Variants in CYP20A1 observed in about 807,000 individuals in gnomAD.
CYP20A1 encodes the protein cytochrome P450 20A1.
A neutral mutation model predicts 61.4 loss-of-function variants in CYP20A1; 61 were observed. That is an observed-to-expected ratio of 0.99 (90% CI 0.81 to 1.23). The LOEUF is 1.23. CYP20A1 is among the 50% of genes most tolerant of loss of function. CYP20A1 has a pLI of 0.00. For synonymous variants in CYP20A1, 193 were observed against 188.2 expected (o/e 1.03, Z -0.21); for missense variants, 530 against 542.4 (o/e 0.98, Z 0.23).
At chr2:203,244,467 G>A (rs949564494) in intron 1 of CYP20A1, among the ~76,000 whole-genome samples, 2 of 151,978 alleles carry the variant, frequency 1.3e-5, no homozygotes, top group Admixed American at 6.6e-5. Context: ...CAAAAGTGCT[G>A]GGATTACAGG....
At position 203,301,792 on chromosome 2, in the gene CYP20A1, GTCTT is replaced by G. The variant is rs1559113333; in HGVS notation, c.*4886_*4889del. ...TATCTTAAAATAGTTTGTATAAAAA[GTCTT>G]TACTGCTTTATTATGAAATAATAAT... is the stretch of plus-strand genomic sequence containing the variant. On this transcript the variant is annotated 3_prime_UTR_variant, in exon 13 of 13. Coordinates refer to ENST00000356079, the MANE Select transcript of CYP20A1 (RefSeq NM_177538.3). 6.6e-6 allele frequency among the ~76,000 whole-genome samples: 1 copy of G among 151,518 alleles called. No homozygotes were observed. The highest frequency in any genetic ancestry group is 1.9e-4 in the East Asian group (1 of 5,178).
chr2:203,239,075 G>A lies in CYP20A1; in HGVS notation c.13G>A (p.Ala5Thr), dbSNP rs953593712. ...GGGCGGCAGAACCATGTTGGACTTC[G>A]CGATCTTCGCCGTTACCTTCTTGCT... MLDF[A>T]IFAVTFLLAL... Residue 5 changes from alanine to threonine, a missense_variant, in exon 1 of 13, where the codon GCG becomes ACG. Transcript: ENST00000356079. 2 of 1,613,608 alleles carry A rather than the reference G, an allele frequency of 1.2e-6. No homozygotes were observed. The highest frequency in any genetic ancestry group is 1.7e-5 in the Admixed American group (1 of 60,008).
At chr2:203,257,874 G>T (rs1165338255) in intron 4 of CYP20A1, among the ~76,000 whole-genome samples, 3 of 52,920 alleles carry the variant, frequency 5.7e-5, no homozygotes, top group African/African-American at 1.2e-4. Flanking sequence ...CATACAATGT[G>T]TAATAATCAC....
chr2:203,263,191 G>A (rs1209378582), intron 4 of CYP20A1, among the ~76,000 whole-genome samples: 2 of 150,460 alleles, frequency 1.3e-5, no homozygotes, highest in African/African-American at 4.9e-5. Context: ...ATTTCACCAC[G>A]TTGGCCAGGC....
At chr2:203,295,200 C>T (rs7562452) in intron 11 of CYP20A1, among the ~76,000 whole-genome samples, 1 of 150,646 alleles carries the variant, frequency 6.6e-6, no homozygotes, top group Non-Finnish European at 1.5e-5. Flanking sequence ...CTGCCTCGGC[C>T]TCCCAAAGTG....
At position 203,297,083 on chromosome 2, in the gene CYP20A1, A is replaced by G. The variant is rs2068835270; in HGVS notation, c.*175A>G. The G allele has an allele frequency of 2.1e-6, 1 of 483,602 alleles. No individual in the cohort carries two copies. The highest frequency in any genetic ancestry group is 2.8e-5 in the South Asian group (1 of 35,908). 30.0% of individuals were successfully genotyped at this position (483,602 alleles called of 1,614,324 possible). A position where few individuals can be genotyped will look rare whatever the true frequency, so the allele number is the denominator to read the frequency against. ...CATATTTTCTTAATTCATTGTACAC[A>G]TTTGACTTACTGCACAGTATATTGA... is the stretch of plus-strand genomic sequence containing the variant. On this transcript the variant is annotated 3_prime_UTR_variant, in exon 13 of 13. Transcript: ENST00000356079.
At chr2:203,288,466 CT>C (rs374052285) in intron 9 of CYP20A1, among the ~76,000 whole-genome samples, 7 of 152,056 alleles carry the variant, frequency 4.6e-5, no homozygotes, top group African/African-American at 1.7e-4. Flanking sequence ...ATGTGCTATA[CT>C]TAATTGTTCA....
chr2:203,256,183 G>A (rs1256878686), intron 4 of CYP20A1, among the ~76,000 whole-genome samples: 1 of 151,758 alleles, frequency 6.6e-6, no homozygotes, highest in African/African-American at 2.4e-5. Flanking sequence ...TTCCTAGGCT[G>A]GTCTTGAACT....
At chr2:203,240,400 G>T (rs368235344) in intron 1 of CYP20A1, among the ~76,000 whole-genome samples, 1 of 152,210 alleles carries the variant, frequency 6.6e-6, no homozygotes, top group Non-Finnish European at 1.5e-5. Context: ...CTAGCTATGT[G>T]CCAGATATGG....
chr2:203,247,042 C>T, intron 3 of CYP20A1, 121 bp downstream of exon 3: 1 of 929,802 alleles, frequency 1.1e-6, no homozygotes. Context: ...AGGTGGATCA[C>T]ATGAGGCCAG....
Position 203,305,492 on chromosome 2 carries a change from G to A in CYP20A1, c.*8584G>A, listed in dbSNP as rs35203139. On this transcript the variant is annotated 3_prime_UTR_variant, in exon 13 of 13. Coordinates refer to ENST00000356079, the MANE Select transcript of CYP20A1 (RefSeq NM_177538.3). Reference sequence around the variant, plus strand: ...TCGGATTACAGACGTGAGCCACTGCGCCCGGCCCGTTGGCTTGCTTTCTAG... The same window carrying A: ...TCGGATTACAGACGTGAGCCACTGCACCCGGCCCGTTGGCTTGCTTTCTAG... 3,904 of 151,988 alleles carry A rather than the reference G, an allele frequency of 0.026. 61 individuals are homozygous for A. The highest frequency in any genetic ancestry group is 0.072 in the East Asian group (372 of 5,176). 9.4% of individuals were successfully genotyped at this position (151,988 alleles called of 1,614,324 possible). A position where few individuals can be genotyped will look rare whatever the true frequency, so the allele number is the denominator to read the frequency against.
At chr2:203,293,482 A>AG (rs1303912311) in intron 11 of CYP20A1, among the ~76,000 whole-genome samples, 6 of 146,386 alleles carry the variant, frequency 4.1e-5, no homozygotes, top group Non-Finnish European at 7.5e-5. Context: ...CCCAAAGTGC[A>AG]GGATTACAGC....
Position 203,305,460 on chromosome 2 carries a change from A to G in CYP20A1, c.*8552A>G, listed in dbSNP as rs2152121324. On this transcript the variant is annotated 3_prime_UTR_variant, in exon 13 of 13. Coordinates refer to ENST00000356079, the MANE Select transcript of CYP20A1 (RefSeq NM_177538.3). ...CATAATCTACCTACCTCGGCCTCCC[A>G]AAGTGCTCGGATTACAGACGTGAGC... The G allele has an allele frequency of 6.6e-6, 1 of 152,172 alleles. No homozygotes were observed. Among genetic ancestry groups the G allele is most frequent in the South Asian group, 2.1e-4 (1 of 4,816 alleles). 9.4% of individuals were successfully genotyped at this position (152,172 alleles called of 1,614,324 possible).
chr2:203,290,003 C>T (rs12999126), intron 10 of CYP20A1, 127 bp downstream of exon 10: 6,012 of 350,932 alleles, frequency 0.017, 65 homozygotes, highest in South Asian at 0.032. Flanking sequence ...TGCAATGGCG[C>T]GATCTTGGCT....
At chr2:203,274,181 T>A (rs75012114) in intron 6 of CYP20A1, among the ~76,000 whole-genome samples, 17 of 147,022 alleles carry the variant, frequency 1.2e-4, no homozygotes, top group South Asian at 4.3e-4. Flanking sequence ...TACTTTTTTT[T>A]AAAATAATTT....
rs1318072736 is a variant in CYP20A1, at chr2:203,296,804, A to G, written c.1285A>G (p.Arg429Gly). The G allele has an allele frequency of 6.2e-7, 1 of 1,608,106 alleles. No homozygotes were observed. Among genetic ancestry groups the G allele is most frequent in the Non-Finnish European group, 8.5e-7 (1 of 1,176,690 alleles). The change falls in exon 13 of 13, where the codon AGA becomes GGA. Residue 429 changes from arginine to glycine, a missense_variant. By Grantham distance (125) the Arg-to-Gly change is moderately radical. Transcript: ENST00000356079. ...TTVLLSVLVK[R>G]LHLLSVEGQV... ...AGTACTTCTTAGTGTATTGGTGAAG[A>G]GACTGCACCTACTTTCTGTGGAGGG...
At chr2:203,283,641 C>T (rs1327455281) in intron 8 of CYP20A1, among the ~76,000 whole-genome samples, 3 of 151,126 alleles carry the variant, frequency 2.0e-5, no homozygotes, top group East Asian at 1.9e-4. Flanking sequence ...CTCTGCCTCC[C>T]GGGTTCAAGC....
intron 11 of CYP20A1, among the ~76,000 whole-genome samples, chr2:203,295,214 G>A (rs944476737): frequency 6.6e-6 from 1 of 151,722 alleles, no homozygotes; most frequent in African/African-American, 2.4e-5. Flanking sequence ...CAAAGTGCTG[G>A]GATTACAGGC....
chr2:203,288,912 T>C (rs2068415086), intron 9 of CYP20A1, among the ~76,000 whole-genome samples: 1 of 152,176 alleles, frequency 6.6e-6, no homozygotes, highest in South Asian at 2.1e-4. Context: ...TTCGATAAGA[T>C]CCTGTATATA....
Sources: allele counts gnomAD v4.1 joint callset (sites outside exome capture counted in the v4.1 genomes callset), GRCh38; gene constraint gnomAD v4.1.1; transcripts MANE v1.5; gene names NCBI Gene and HGNC (gene_info 2026-07-23, HGNC 2026-07-21).